The following CYP3A7 variants were observed in gnomAD, a reference collection of about 807,000 sequenced individuals.
CYP3A7 encodes cytochrome P450 3A7.
CYP3A7 carries 45 observed loss-of-function variants against 55.2 expected under a neutral mutation model. That is an observed-to-expected ratio of 0.82 (90% confidence interval 0.64 to 1.05). CYP3A7 has a LOEUF of 1.05. CYP3A7 is among the 50% of genes least tolerant of loss of function. The probability of loss-of-function intolerance (pLI) is 0.00; values close to 1 mark genes in which losing one functional copy is unlikely to be tolerated. For synonymous variants in CYP3A7, 180 were observed against 207.4 expected (o/e 0.87, Z 1.13); for missense variants, 548 against 605.3 (o/e 0.91, Z 0.99).
intron 9 of CYP3A7, among the ~76,000 whole-genome samples, chr7:99,712,591 G>C (rs969193965): frequency 6.6e-6 from 1 of 152,216 alleles, no homozygotes; most frequent in African/African-American, 2.4e-5. Context: ...TATTGGGATA[G>C]ATAGAGAGAT....
At position 99,709,214 on chromosome 7, in the gene CYP3A7, C is replaced by T; in HGVS notation, c.1074G>A (p.Met358Ile). 2 of 1,613,912 alleles carry T rather than the reference C, an allele frequency of 1.2e-6. No individual in the cohort carries two copies. Among genetic ancestry groups the T allele is most frequent in the African/African-American group, 1.3e-5 (1 of 75,014 alleles). Residue 358 changes from methionine (M) to isoleucine (I), a missense_variant, in exon 11 of 13, where the codon ATG (methionine) becomes ATA (isoleucine). Coordinates refer to ENST00000336374, the MANE Select transcript of CYP3A7 (RefSeq NM_000765.5). ...DTVLQLEYLD[M>I]VVNETLRLFP... ...ATAATCTGAGTGTTTCATTCACCAC[C>T]ATGTCAAGATACTCCAACTGTAGCA...
At position 99,713,554 on chromosome 7, in the gene CYP3A7, A is replaced by C. The variant is rs1317596694; in HGVS notation, c.799-19T>G. ...CTCGGTGCTAGAAGCAAAAAGAGAA[A>C]TTTTATTGACAGAAAGTGACTCGTG... is the stretch of plus-strand genomic sequence containing the variant. On this transcript the variant is annotated intron_variant, in intron 8 of 12. Coordinates refer to ENST00000336374, the MANE Select transcript of CYP3A7 (RefSeq NM_000765.5). 28 of 1,613,008 alleles carry C rather than the reference A, an allele frequency of 1.7e-5. No homozygotes were observed. Among genetic ancestry groups the C allele is most frequent in the Non-Finnish European group, 2.2e-5 (26 of 1,179,388 alleles).
chr7:99,714,727 T>C (rs371510108), intron 7 of CYP3A7, 45 bp from the exon 8 acceptor site: 140 of 1,595,028 alleles, frequency 8.8e-5, no homozygotes, highest in Admixed American at 4.4e-4. Flanking sequence ...ATTGTGAACA[T>C]ACAAAATTTA....
At chr7:99,722,732 A>T (rs1814252363) in intron 2 of CYP3A7, among the ~76,000 whole-genome samples, 1 of 152,236 alleles carries the variant, frequency 6.6e-6, no homozygotes, top group South Asian at 2.1e-4. Flanking sequence ...GAGCGCCAGA[A>T]GGGAACGTGC....
intron 9 of CYP3A7, among the ~76,000 whole-genome samples, chr7:99,713,097 C>T (rs113769676): frequency 1.1e-4 from 16 of 152,090 alleles, no homozygotes; most frequent in African/African-American, 3.9e-4. Context: ...CGGTTTTTGC[C>T]ATTGAAAGCA....
intron 2 of CYP3A7, among the ~76,000 whole-genome samples, chr7:99,724,523 A>G (rs1814331639): frequency 6.6e-6 from 1 of 151,336 alleles, no homozygotes. Flanking sequence ...AGTCCTTTGA[A>G]TCCTCCTTTT....
chr7:99,708,955 C>G, intron 11 of CYP3A7, 80 bp downstream of exon 11: 3 of 1,484,260 alleles, frequency 2.0e-6, no homozygotes, highest in Non-Finnish European at 2.8e-6. Context: ...ATTGTACAAG[C>G]CCAGACTGTC....
At chr7:99,725,287 T>C (rs1008680554) in intron 2 of CYP3A7, among the ~76,000 whole-genome samples, 1 of 152,042 alleles carries the variant, frequency 6.6e-6, no homozygotes, top group Admixed American at 6.6e-5. Context: ...CCCAATCCTC[T>C]CCTGACATTA....
At chr7:99,706,417 C>T (rs1813525863) in intron 12 of CYP3A7, among the ~76,000 whole-genome samples, 1 of 152,180 alleles carries the variant, frequency 6.6e-6, no homozygotes, top group Admixed American at 6.5e-5. Flanking sequence ...AGGATAGCTA[C>T]ATAGCTGGCC....
chr7:99,728,856 C>G (rs1814514784), intron 2 of CYP3A7, among the ~76,000 whole-genome samples: 1 of 152,178 alleles, frequency 6.6e-6, no homozygotes, highest in South Asian at 2.1e-4. Flanking sequence ...AATGACTTTT[C>G]TGCTAGCATT....
intron 2 of CYP3A7, among the ~76,000 whole-genome samples, chr7:99,729,266 T>A (rs1199489129): frequency 6.6e-6 from 1 of 152,162 alleles, no homozygotes; most frequent in Non-Finnish European, 1.5e-5. Context: ...ACAACAAATA[T>A]TACTTTTAAC....
chr7:99,722,329 A>G lies in CYP3A7; in HGVS notation c.185T>C (p.Met62Thr). The change falls in exon 3 of 13, where the codon ATG (methionine) becomes ACG (threonine). Residue 62 changes from methionine (M) to threonine (T), a missense_variant. Coordinates refer to ENST00000336374, the MANE Select transcript of CYP3A7 (RefSeq NM_000765.5). ...TTTTCTATACTTTTTATAACATTCCATGTCAAACGTCCAATAGCCCTGGGA... is the reference window on the plus strand; with the variant it reads ...TTTTCTATACTTTTTATAACATTCCGTGTCAAACGTCCAATAGCCCTGGGA... ...SFRKGYWTFD[M>T]ECYKKYRKVW... The G allele has an allele frequency of 1.2e-6, 2 of 1,613,522 alleles. No homozygotes were observed. Among genetic ancestry groups the G allele is most frequent in the East Asian group, 2.2e-5 (1 of 44,814 alleles).
At chr7:99,734,359 A>G (rs1814745442) in intron 1 of CYP3A7, among the ~76,000 whole-genome samples, 2 of 152,202 alleles carry the variant, frequency 1.3e-5, no homozygotes, top group Admixed American at 1.3e-4. Flanking sequence ...CTCACTGGTG[A>G]GAAGATTCAC....
chr7:99,735,070 G>A lies in CYP3A7; in HGVS notation c.24C>T (p.Ala8=), dbSNP rs759179797. ...CAGCCAGGAGAAGCCAGGTTTCCACGGCCAAGTTTGGGATGAGATCCATCA... is the reference window on the plus strand; with the variant it reads ...CAGCCAGGAGAAGCCAGGTTTCCACAGCCAAGTTTGGGATGAGATCCATCA... The part of the protein sequence containing the change: MDLIPNL[A]VETWLLLAVS... Residue 8 remains alanine (A), a synonymous_variant, in exon 1 of 13, where the codon GCC becomes GCT. Transcript: ENST00000336374. 1.5e-5 allele frequency: 24 copies of A among 1,613,904 alleles called. No homozygotes were observed. The highest frequency in any genetic ancestry group is 3.3e-5 in the South Asian group (3 of 91,078).
At position 99,707,938 on chromosome 7, in the gene CYP3A7, G is replaced by T; in HGVS notation, c.1290C>A (p.Tyr430Ter). The T allele has an allele frequency of 1.2e-6, 2 of 1,613,946 alleles. No homozygotes were observed. ...GTCCACTTCCAAAGGGTGTGTATAT[G>T]TAAGGATCTATGTTGTCCTTGTTCT... The part of the protein sequence containing the change: ...SKKNKDNIDP[Y>*]IYTPFGSGPR... The change falls in exon 12 of 13, where the codon TAC (tyrosine) becomes TAA (stop). Residue 430 changes from tyrosine to a stop codon, truncating the protein, a stop_gained. Transcript: ENST00000336374. LOFTEE classifies it high-confidence loss of function.
chr7:99,713,460 TTTTGTTACC>T lies in CYP3A7; in HGVS notation c.865_865+8del, dbSNP rs1429672102. 2 of 1,613,378 alleles carry T rather than the reference TTTTGTTACC, an allele frequency of 1.2e-6. No individual in the cohort carries two copies. Among genetic ancestry groups the T allele is most frequent in the Admixed American group, 3.3e-5 (2 of 59,952 alleles). On this transcript the variant is annotated splice_donor_variant and splice_donor_5th_base_variant and coding_sequence_variant and intron_variant, in exon 9 of 13. Transcript: ENST00000336374. LOFTEE classifies it high-confidence loss of function. ...CCACCAGTAGCCCTCAGAAGCACTC[TTTTGTTACC>T]TTTGTGGGTCTCAGAGTCTTTTGAA...
In CYP3A7 at chr7:99,708,284, C is replaced by T. The variant is rs116844615; in HGVS notation, c.1254-310G>A. Among the ~76,000 whole-genome samples the T allele has an allele frequency of 1.8e-4, 28 of 152,262 alleles. No homozygotes were observed. In the East Asian group the frequency reaches 4.8e-3, roughly 26 times the overall value. On this transcript the variant is annotated intron_variant, in intron 11 of 12. Coordinates refer to ENST00000336374, the MANE Select transcript of CYP3A7 (RefSeq NM_000765.5). ...TGATGTGTTCACACTACAAAAGGCA[C>T]ATAAGTGATGAGAATGACTGACAGA...
At chr7:99,717,803 C>G (rs553466846) in intron 4 of CYP3A7, among the ~76,000 whole-genome samples, 164 bp from the exon 5 acceptor site, 1 of 152,300 alleles carries the variant, frequency 6.6e-6, no homozygotes, top group African/African-American at 2.4e-5. Flanking sequence ...TCCCACATGC[C>G]CAGCCACCTG....
intron 2 of CYP3A7, among the ~76,000 whole-genome samples, chr7:99,728,506 A>C (rs763480237): frequency 7.2e-5 from 11 of 152,202 alleles, no homozygotes; most frequent in Non-Finnish European, 1.5e-4. Context: ...TGGGTGCAAG[A>C]CACCTCTTTT....
Sources: gnomAD v4.1 joint callset for allele counts (sites outside exome capture counted in the v4.1 genomes callset) on GRCh38, gnomAD v4.1.1 for gene constraint, MANE v1.5 for transcripts, NCBI Gene and HGNC (gene_info 2026-07-23, HGNC 2026-07-21) for gene names.